KCNG3: variants seen among roughly 807,000 people sequenced by gnomAD.
KCNG3 encodes potassium voltage-gated channel modifier subfamily G member 3, also known as voltage-gated potassium channel regulatory subunit KCNG3.
KCNG3 carries 15 observed loss-of-function variants against 29.0 expected under a neutral mutation model. The ratio of observed to expected loss-of-function variants is 0.52; its 90% CI spans 0.35 to 0.80. The LOEUF is 0.80. Among genes scored for constraint, KCNG3 ranks in the 30% least tolerant of loss-of-function variants. The probability of loss-of-function intolerance (pLI) is 0.01; values close to 1 mark genes in which losing one functional copy is unlikely to be tolerated. For synonymous variants in KCNG3, 322 were observed against 248.9 expected (o/e 1.29, Z -2.76); for missense variants, 512 against 605.7 (o/e 0.85, Z 1.62).
intron 1 of KCNG3, among the ~76,000 whole-genome samples, chr2:42,449,511 T>C (rs542762183): frequency 1.8e-3 from 236 of 128,528 alleles, no homozygotes; most frequent in Admixed American, 4.3e-3. Flanking sequence ...GCCACTGAGA[T>C]TTCTTTTTTT....
the KCNG3 span, among the ~76,000 whole-genome samples, chr2:42,411,720 T>C: frequency 6.6e-6 from 1 of 152,162 alleles, no homozygotes; most frequent in Non-Finnish European, 1.5e-5. Context: ...TGGCATCAAG[T>C]GATCTGCCTG....
chr2:42,441,836 G>A (rs1005144349), downstream of KCNG3, among the ~76,000 whole-genome samples: 3 of 18,912 alleles, frequency 1.6e-4, no homozygotes, highest in South Asian at 2.3e-3. Flanking sequence ...GCTTCTCCTC[G>A]TCTCTTCACA....
At chr2:42,440,702 G>A (rs1040326252), downstream of KCNG3, among the ~76,000 whole-genome samples, 6 of 152,134 alleles carry the variant, frequency 3.9e-5, no homozygotes, top group African/African-American at 4.8e-5. Flanking sequence ...GGTACTTATA[G>A]GTAATGACCA....
the KCNG3 span, among the ~76,000 whole-genome samples, chr2:42,410,465 C>T: frequency 6.6e-6 from 1 of 152,120 alleles, no homozygotes; most frequent in Non-Finnish European, 1.5e-5. Flanking sequence ...TATTATTAAA[C>T]TTTTGAATTT....
At chr2:42,410,471 A>C in the KCNG3 span, among the ~76,000 whole-genome samples, 2 of 152,120 alleles carry the variant, frequency 1.3e-5, no homozygotes, top group African/African-American at 4.8e-5. Context: ...TAAACTTTTG[A>C]ATTTTTGACA....
At chr2:42,491,370 T>C (rs1481686130) in intron 1 of KCNG3, among the ~76,000 whole-genome samples, 2 of 152,182 alleles carry the variant, frequency 1.3e-5, no homozygotes, top group African/African-American at 2.4e-5. Flanking sequence ...GTCAACTCCC[T>C]CATTATCTGC....
intron 1 of KCNG3, among the ~76,000 whole-genome samples, chr2:42,472,125 G>A (rs1331463937): frequency 1.3e-5 from 2 of 152,172 alleles, no homozygotes; most frequent in Non-Finnish European, 2.9e-5. Flanking sequence ...CTAGGTAGAT[G>A]CATTAAAGAA....
intron 1 of KCNG3, among the ~76,000 whole-genome samples, chr2:42,458,737 G>A (rs773926417): frequency 3.3e-5 from 5 of 151,936 alleles, no homozygotes; most frequent in African/African-American, 4.8e-5. Context: ...GCTAGTGTGA[G>A]CTTGTAGAGA....
rs1344013278 is a variant in KCNG3, at chr2:42,442,473, G to C, written c.*1461C>G. 1 of 152,132 alleles carries C rather than the reference G, an allele frequency of 6.6e-6. No individual in the cohort carries two copies. The highest frequency in any genetic ancestry group is 1.5e-5 in the Non-Finnish European group (1 of 68,046). The allele number at this position is 152,132 out of a possible 1,614,324, so 9.4% of individuals were successfully genotyped here. ...CTGCCCTGATTTTCTACCTGTAATA[G>C]TTGAGGTTTGAACTAGATGATGGCT... On this transcript the variant is annotated 3_prime_UTR_variant, in exon 2 of 2. Transcript: ENST00000306078.
chr2:42,437,345 C>T (rs1193536449), downstream of KCNG3, among the ~76,000 whole-genome samples: 1 of 152,134 alleles, frequency 6.6e-6, no homozygotes, highest in East Asian at 1.9e-4. Context: ...AACTTTAAAA[C>T]TAGAATATTT....
chr2:42,410,579 T>C, the KCNG3 span, among the ~76,000 whole-genome samples: 1 of 152,198 alleles, frequency 6.6e-6, no homozygotes, highest in South Asian at 2.1e-4. Context: ...TAGGGGACTT[T>C]ATATTTTCTA....
chr2:42,435,446 T>A, the KCNG3 span, among the ~76,000 whole-genome samples: 1 of 152,116 alleles, frequency 6.6e-6, no homozygotes, highest in Non-Finnish European at 1.5e-5. Flanking sequence ...TTAAAATGTG[T>A]GCTGCAAATG....
intron 1 of KCNG3, among the ~76,000 whole-genome samples, chr2:42,462,667 G>A (rs1011277077): frequency 7.9e-5 from 12 of 152,222 alleles, no homozygotes; most frequent in African/African-American, 2.6e-4. Flanking sequence ...GGGCGACAGA[G>A]TGAGACTCTG....
the KCNG3 span, among the ~76,000 whole-genome samples, chr2:42,425,286 C>T: frequency 1.8e-4 from 27 of 149,322 alleles, no homozygotes; most frequent in Admixed American, 1.8e-3. Flanking sequence ...GTAGTCCAAG[C>T]TATTGGAGAG....
the KCNG3 span, among the ~76,000 whole-genome samples, chr2:42,432,693 A>G: frequency 6.6e-6 from 1 of 152,182 alleles, no homozygotes; most frequent in Non-Finnish European, 1.5e-5. Context: ...CATAAACTCA[A>G]ATTAACTTGG....
chr2:42,407,479 GA>G, the KCNG3 span, among the ~76,000 whole-genome samples: 3 of 152,200 alleles, frequency 2.0e-5, no homozygotes, highest in Admixed American at 1.3e-4. Flanking sequence ...CTGCAGGAGG[GA>G]GGGGCGGCCA....
chr2:42,475,347 A>C (rs1196929125), intron 1 of KCNG3, among the ~76,000 whole-genome samples: 1 of 128,564 alleles, frequency 7.8e-6, no homozygotes, highest in Non-Finnish European at 1.6e-5. Flanking sequence ...TTTTTTTGAG[A>C]TAGAGTCTCG....
chr2:42,434,315 G>T, the KCNG3 span, among the ~76,000 whole-genome samples: 1 of 151,628 alleles, frequency 6.6e-6, no homozygotes, highest in African/African-American at 2.4e-5. Flanking sequence ...AATTAGCCAG[G>T]CATGGTGGTA....
intron 1 of KCNG3, among the ~76,000 whole-genome samples, chr2:42,487,506 G>A (rs1202820153): frequency 1.3e-5 from 2 of 151,862 alleles, no homozygotes; most frequent in African/African-American, 2.4e-5. Context: ...ATTTTTAAAA[G>A]CAAGATGAAT....
Sources: gnomAD v4.1 joint callset for allele counts (sites outside exome capture counted in the v4.1 genomes callset) on GRCh38, gnomAD v4.1.1 for gene constraint, MANE v1.5 for transcripts, NCBI Gene and HGNC (gene_info 2026-07-23, HGNC 2026-07-21) for gene names.